Variants in AGBL1 observed in about 807,000 individuals in gnomAD.
AGBL1 encodes the protein cytosolic carboxypeptidase 4.
A neutral mutation model predicts 118.9 loss-of-function variants in AGBL1; 130 were observed. That is an observed-to-expected ratio of 1.09 (90% confidence interval 0.95 to 1.26). The LOEUF (loss-of-function observed/expected upper bound fraction) is 1.26. Among genes scored for constraint, AGBL1 ranks in the 50% most tolerant of loss-of-function variants. AGBL1 has a pLI of 0.00. For missense variants in AGBL1, 1,584 were observed against 1,298.1 expected (o/e 1.22, Z -3.38); for synonymous variants, 555 against 478.9 (o/e 1.16, Z -2.08).
Position 86,854,946 on chromosome 15 carries a change from A to G in AGBL1, c.3159-52141A>G, listed in dbSNP as rs192876221. On this transcript the variant is annotated intron_variant, in intron 22 of 22. Transcript: ENST00000614907. ...TTTGATGACTTCAGTGATATCTTAT[A>G]TAGTTGTGATTTGCTACACCCCCCC... 8.8e-4 allele frequency among the ~76,000 whole-genome samples: 134 copies of G among 152,226 alleles called. 1 individual carries two copies. The highest frequency in any genetic ancestry group is 3.0e-3 in the African/African-American group (124 of 41,534).
chr15:86,172,431 A>G (rs2077428742), intron 5 of AGBL1, among the ~76,000 whole-genome samples: 1 of 152,176 alleles, frequency 6.6e-6, no homozygotes, highest in African/African-American at 2.4e-5. Flanking sequence ...TCACTTCACT[A>G]TGCTATTGAA....
intron 23 of AGBL1, among the ~76,000 whole-genome samples, chr15:86,959,308 T>A (rs552434651): frequency 6.6e-6 from 1 of 152,264 alleles, no homozygotes; most frequent in South Asian, 2.1e-4. Context: ...AATCTACTTA[T>A]ACAAACACAA....
intron 1 of AGBL1, among the ~76,000 whole-genome samples, chr15:86,108,654 T>C (rs1897187794): frequency 6.6e-6 from 1 of 152,134 alleles, no homozygotes; most frequent in Non-Finnish European, 1.5e-5. Flanking sequence ...CCAAGATCTA[T>C]AGCTAACAAG....
At chr15:86,482,349 C>CTTT (rs2082662769) in intron 18 of AGBL1, among the ~76,000 whole-genome samples, 1 of 152,136 alleles carries the variant, frequency 6.6e-6, no homozygotes, top group African/African-American at 2.4e-5. Flanking sequence ...TTGCCCAGAG[C>CTTT]ATGGAGATGG....
Position 86,298,302 on chromosome 15 carries a change from G to A in AGBL1, c.2374+2894G>A, listed in dbSNP as rs59550099. On this transcript the variant is annotated intron_variant, in intron 17 of 22. Coordinates refer to ENST00000614907, the MANE Select transcript of AGBL1 (RefSeq NM_001386094.1). ...ATATGGTAACTATATATATATGGTA[G>A]CTATATATATATAGGTAACTATATA... Among the ~76,000 whole-genome samples the A allele has an allele frequency of 2.7e-3, 177 of 65,138 alleles. 2 individuals carry two copies. Among genetic ancestry groups the A allele is most frequent in the African/African-American group, 0.01 (157 of 14,982 alleles). The allele number at this position is 65,138 out of a possible 152,430, so 42.7% of individuals were successfully genotyped here. A position where few individuals can be genotyped will look rare whatever the true frequency, so the allele number is the denominator to read the frequency against.
At chr15:86,972,115 T>C (rs1046548937) in intron 23 of AGBL1, among the ~76,000 whole-genome samples, 1 of 152,052 alleles carries the variant, frequency 6.6e-6, no homozygotes, top group African/African-American at 2.4e-5. Flanking sequence ...AACGAACTAA[T>C]ACACTGATGA....
intron 23 of AGBL1, among the ~76,000 whole-genome samples, chr15:86,925,498 T>A (rs1330072386): frequency 6.6e-6 from 1 of 152,072 alleles, no homozygotes; most frequent in Non-Finnish European, 1.5e-5. Context: ...CAGTCCTAAG[T>A]ATTTTTCTTC....
intron 18 of AGBL1, among the ~76,000 whole-genome samples, chr15:86,469,113 A>C (rs2082444336): frequency 6.6e-6 from 1 of 152,160 alleles, no homozygotes; most frequent in Non-Finnish European, 1.5e-5. Context: ...CTCTGATAGC[A>C]ATTTTCAAGT....
intron 21 of AGBL1, among the ~76,000 whole-genome samples, chr15:86,600,312 C>T (rs2084473481): frequency 6.6e-6 from 1 of 152,200 alleles, no homozygotes. Context: ...ACTTGAGTTT[C>T]TCCACTGTGC....
At chr15:86,358,238 A>AGTT (rs1260276073) in intron 17 of AGBL1, among the ~76,000 whole-genome samples, 2 of 152,116 alleles carry the variant, frequency 1.3e-5, no homozygotes, top group East Asian at 3.9e-4. Flanking sequence ...GGTTTTTATG[A>AGTT]GTTAGAAATT....
intron 22 of AGBL1, among the ~76,000 whole-genome samples, chr15:86,760,707 T>A (rs2078011327): frequency 6.6e-6 from 1 of 152,112 alleles, no homozygotes; most frequent in Non-Finnish European, 1.5e-5. Context: ...TTTGGCAGTG[T>A]GAAAGACAGC....
chr15:86,471,422 C>A (rs1024533416), intron 18 of AGBL1, among the ~76,000 whole-genome samples: 3 of 151,380 alleles, frequency 2.0e-5, no homozygotes, highest in African/African-American at 7.3e-5. Context: ...TTGACTGTTT[C>A]AATGTGCTGT....
chr15:86,234,321 G>A (rs1489438365), intron 6 of AGBL1, among the ~76,000 whole-genome samples: 1 of 152,028 alleles, frequency 6.6e-6, no homozygotes, highest in African/African-American at 2.4e-5. Flanking sequence ...GGGAGGCCAA[G>A]GTGGGCAGAT....
intron 18 of AGBL1, among the ~76,000 whole-genome samples, chr15:86,442,369 T>A (rs1042963815): frequency 6.6e-6 from 1 of 152,206 alleles, no homozygotes; most frequent in Non-Finnish European, 1.5e-5. Flanking sequence ...CTGTTACCTG[T>A]GTCAAGCTCG....
intron 5 of AGBL1, among the ~76,000 whole-genome samples, chr15:86,221,933 A>G (rs2078286648): frequency 6.6e-6 from 1 of 152,172 alleles, no homozygotes; most frequent in African/African-American, 2.4e-5. Flanking sequence ...TACCTATAAA[A>G]TTGACTTCAC....
chr15:86,863,532 T>A (rs968664714), intron 22 of AGBL1, among the ~76,000 whole-genome samples: 3 of 151,518 alleles, frequency 2.0e-5, no homozygotes, highest in African/African-American at 7.3e-5. Flanking sequence ...CTCAGTTTTC[T>A]TTGGAAAAAA....
chr15:86,807,763 A>G (rs1429198154), intron 22 of AGBL1, among the ~76,000 whole-genome samples: 1 of 152,138 alleles, frequency 6.6e-6, no homozygotes, highest in Non-Finnish European at 1.5e-5. Flanking sequence ...TCTCTGAATT[A>G]TATTTTCCTA....
intron 17 of AGBL1, among the ~76,000 whole-genome samples, chr15:86,302,900 CCTT>C (rs1279516700): frequency 3.3e-5 from 5 of 151,918 alleles, no homozygotes; most frequent in African/African-American, 9.7e-5. Flanking sequence ...TGATAGGTAG[CCTT>C]CTTTTTCATG....
At chr15:86,112,486 T>C (rs1387861638) in intron 1 of AGBL1, among the ~76,000 whole-genome samples, 1 of 152,264 alleles carries the variant, frequency 6.6e-6, no homozygotes. Context: ...CATTGTATTA[T>C]GGCAATTTAT....
Sources: allele counts gnomAD v4.1 joint callset (sites outside exome capture counted in the v4.1 genomes callset), GRCh38; gene constraint gnomAD v4.1.1; transcripts MANE v1.5; gene names NCBI Gene and HGNC (gene_info 2026-07-23, HGNC 2026-07-21).